Variants in RYR3 observed in about 807,000 individuals in gnomAD.
RYR3 encodes brain ryanodine receptor-calcium release channel.
In RYR3, 207 loss-of-function variants were observed where a neutral mutation model predicts 584.3. The ratio of observed to expected loss-of-function variants is 0.35; its 90% confidence interval spans 0.32 to 0.40. RYR3 has a LOEUF of 0.40. Ranked by LOEUF, RYR3 falls within the 10% of genes least tolerant of loss-of-function variation. The pLI is 1.00. For missense variants in RYR3, 5,616 were observed against 6,089.2 expected, an observed-to-expected ratio of 0.92 and a Z score of 2.59; for synonymous variants, 2,416 against 2,248.5, an observed-to-expected ratio of 1.07 and a Z score of -2.11.
In RYR3 at chr15:33,647,165, C is replaced by T. The variant is rs536741869; in HGVS notation, c.3942-259C>T. 6.4e-4 allele frequency among the ~76,000 whole-genome samples: 98 copies of T among 152,306 alleles called. No individual in the cohort carries two copies. The South Asian group carries it at 0.02, about 32-fold the overall frequency. On this transcript the variant is annotated intron_variant, in intron 29 of 103. Coordinates refer to ENST00000634891, the MANE Select transcript of RYR3 (RefSeq NM_001036.6). The stretch of plus-strand genomic sequence containing the variant: ...AGAGGTATCCCTACTTATATTATTG[C>T]GGTCTTCCGTCCTCACTCTCAACTT...
At chr15:33,330,274 TC>T (rs1970222539) in intron 1 of RYR3, among the ~76,000 whole-genome samples, 1 of 152,200 alleles carries the variant, frequency 6.6e-6, no homozygotes, top group African/African-American at 2.4e-5. Flanking sequence ...TATTCCTTCT[TC>T]ATGTCTTCTG....
rs2077109981 is a variant in RYR3, at chr15:33,821,596, G to C, written c.10989G>C (p.Val3663=). The change falls in exon 80 of 104, where the codon GTG becomes GTC. Residue 3663 remains valine (V), a synonymous_variant. Transcript: ENST00000634891. ...TTCTGAACGGAGGCAATGCTGGTGT[G>C]CAACAGGTAACGGGAACTTGCAGCG... The part of the protein sequence containing the change: ...IAILNGGNAG[V]QQKMLDYLKE... The C allele has an allele frequency of 6.2e-7, 1 of 1,613,932 alleles. No individual in the cohort carries two copies.
intron 20 of RYR3, 115 bp downstream of exon 20, chr15:33,624,138 A>C: frequency 2.6e-6 from 2 of 757,788 alleles, no homozygotes; most frequent in Non-Finnish European, 4.4e-6. Flanking sequence ...GAATTGTTGT[A>C]TAATGTGAAC....
chr15:33,700,331 G>A (rs934618554), intron 41 of RYR3, among the ~76,000 whole-genome samples: 4 of 152,230 alleles, frequency 2.6e-5, no homozygotes, highest in African/African-American at 9.6e-5. Flanking sequence ...GATAAACAGT[G>A]TAAATCCACC....
intron 16 of RYR3, among the ~76,000 whole-genome samples, chr15:33,597,940 C>A (rs2437140): frequency 0.093 from 14,078 of 150,744 alleles, 749 homozygotes; most frequent in Middle Eastern, 0.15. Flanking sequence ...CTTTCAGATT[C>A]TTGATAACCT....
intron 27 of RYR3, among the ~76,000 whole-genome samples, chr15:33,639,182 C>T (rs2061662445): frequency 6.6e-6 from 1 of 152,136 alleles, no homozygotes; most frequent in Non-Finnish European, 1.5e-5. Context: ...AGTGATGTCC[C>T]ATAGGCCTGT....
In RYR3 at chr15:33,785,661, G is replaced by T; in HGVS notation, c.9269-1G>T. On this transcript the variant is annotated splice_acceptor_variant, in intron 65 of 103. Transcript: ENST00000634891. LOFTEE classifies it high-confidence loss of function. ...GTCCCTTTATTCTTCCTCTCAATCA[G>T]TTCTGGGGATGCCAGACACGGTAGA... 1.3e-6 allele frequency: 2 copies of T among 1,584,636 alleles called. No homozygotes were observed. Among genetic ancestry groups the T allele is most frequent in the Admixed American group, 1.7e-5 (1 of 57,970 alleles).
Position 33,832,154 on chromosome 15 carries a change from C to T in RYR3, c.11463+1063C>T, listed in dbSNP as rs569635343. On this transcript the variant is annotated intron_variant, in intron 86 of 103. Transcript: ENST00000634891. ...ACTAAAATACAAAAAATTAGCCAGGCATGGTGTCGTGCGCGTGTAGTACCC... is the reference window on the plus strand; with the variant it reads ...ACTAAAATACAAAAAATTAGCCAGGTATGGTGTCGTGCGCGTGTAGTACCC... 1.3e-4 allele frequency among the ~76,000 whole-genome samples: 20 copies of T among 151,924 alleles called. No individual in the cohort carries two copies. The East Asian group carries it at 3.9e-3, about 30-fold the overall frequency.
chr15:33,685,296 C>T (rs1478806436), intron 38 of RYR3, among the ~76,000 whole-genome samples: 1 of 152,144 alleles, frequency 6.6e-6, no homozygotes, highest in Non-Finnish European at 1.5e-5. Flanking sequence ...GGTTGCAATC[C>T]TAGTCTCTGA....
rs2077432183 is a variant in RYR3, at chr15:33,827,363, G to A, written c.11334+76G>A. ...GATAAACACAGTTACACAGGGTCAG[G>A]GACAGCCCAGGATACAGTCAAGCCC... On this transcript the variant is annotated intron_variant, in intron 85 of 103. Transcript: ENST00000634891. 4.6e-6 allele frequency: 6 copies of A among 1,315,256 alleles called. No homozygotes were observed. In the Middle Eastern group the frequency reaches 5.5e-4, roughly 120 times the overall value. 81.5% of individuals were successfully genotyped at this position (1,315,256 alleles called of 1,614,324 possible).
chr15:33,714,346 T>C (rs939662583), intron 43 of RYR3, among the ~76,000 whole-genome samples: 9 of 152,256 alleles, frequency 5.9e-5, no homozygotes, highest in African/African-American at 2.2e-4. Context: ...TATTATTTCT[T>C]AATGTTTGTA....
At chr15:33,832,293 C>CAAA (rs10674932) in intron 86 of RYR3, among the ~76,000 whole-genome samples, 9,451 of 140,260 alleles carry the variant, frequency 0.067, 411 homozygotes, top group Middle Eastern at 0.11. Flanking sequence ...GACTCAGTCT[C>CAAA]AAAAAAAAAA....
intron 102 of RYR3, among the ~76,000 whole-genome samples, chr15:33,863,885 G>A (rs902873660): frequency 6.6e-6 from 1 of 152,160 alleles, no homozygotes; most frequent in Non-Finnish European, 1.5e-5. Context: ...TACCTTGCAA[G>A]TGATCTTACT....
intron 60 of RYR3, among the ~76,000 whole-genome samples, chr15:33,766,389 C>A (rs8042401): frequency 0.49 from 73,897 of 151,884 alleles, 18,633 homozygotes; most frequent in African/African-American, 0.62. Context: ...AGACAGGAGA[C>A]GCCCCATGCT....
chr15:33,806,903 A>G (rs1336417286), intron 69 of RYR3, among the ~76,000 whole-genome samples: 3 of 149,518 alleles, frequency 2.0e-5, no homozygotes, highest in Non-Finnish European at 4.4e-5. Context: ...ATAACACACA[A>G]CCCCACACCC....
At chr15:33,528,734 T>C (rs1397531238) in intron 3 of RYR3, among the ~76,000 whole-genome samples, 1 of 152,224 alleles carries the variant, frequency 6.6e-6, no homozygotes, top group Non-Finnish European at 1.5e-5. Context: ...ACCATGATGA[T>C]AATTATCAAA....
rs191896519 is a variant in RYR3, at chr15:33,840,819, G to A, written c.12979-6G>A. 7 of 1,613,736 alleles carry A rather than the reference G, an allele frequency of 4.3e-6. No homozygotes were observed. The highest frequency in any genetic ancestry group is 2.5e-6 in the Non-Finnish European group (3 of 1,179,754). Reference sequence around the variant, plus strand: ...GAAAGCTTGACTAATTGTTATTTTTGTCTAGGCAGCAGAAATGAAAGCAGC... The same window carrying A: ...GAAAGCTTGACTAATTGTTATTTTTATCTAGGCAGCAGAAATGAAAGCAGC... On this transcript the variant is annotated splice_region_variant and splice_polypyrimidine_tract_variant and intron_variant, in intron 89 of 103. Transcript: ENST00000634891.
chr15:33,853,454 G>A lies in RYR3; in HGVS notation c.13672-101G>A, dbSNP rs1057342295. 129 of 1,417,366 alleles carry A rather than the reference G, an allele frequency of 9.1e-5. 1 individual carries two copies. The Middle Eastern group carries it at 1.5e-3, about 16-fold the overall frequency. The allele number at this position is 1,417,366 out of a possible 1,614,324, so 87.8% of individuals were successfully genotyped here. A position where few individuals can be genotyped will look rare whatever the true frequency, so the allele number is the denominator to read the frequency against. On this transcript the variant is annotated intron_variant, in intron 95 of 103. Coordinates refer to ENST00000634891, the MANE Select transcript of RYR3 (RefSeq NM_001036.6). ...GAACTATGTCTTCATCTACCCCTTG[G>A]AAGATTGCCCATAGGGCAGCAAAGC...
chr15:33,816,107 T>A (rs1460660081), intron 74 of RYR3, among the ~76,000 whole-genome samples: 1 of 151,714 alleles, frequency 6.6e-6, no homozygotes, highest in African/African-American at 2.4e-5. Flanking sequence ...ATGACCGGAG[T>A]TTAATGGCTC....
Sources: gnomAD v4.1 joint callset for allele counts (sites outside exome capture counted in the v4.1 genomes callset) on GRCh38, gnomAD v4.1.1 for gene constraint, MANE v1.5 for transcripts, NCBI Gene and HGNC (gene_info 2026-07-23, HGNC 2026-07-21) for gene names.